RAB28: variants seen among roughly 807,000 people sequenced by gnomAD.
The protein encoded by RAB28 is RAB28, member RAS oncogene family, also known as ras-related protein Rab-28.
In RAB28, 24 loss-of-function variants were observed where a neutral mutation model predicts 31.7. The observed-to-expected ratio is 0.76, with a 90% CI of 0.55 to 1.06. The LOEUF (loss-of-function observed/expected upper bound fraction) is 1.06, where lower values mean the gene tolerates loss of function less well. Among genes scored for constraint, RAB28 ranks in the 50% least tolerant of loss-of-function variants. The pLI, the probability that RAB28 is intolerant of heterozygous loss-of-function variation, is 0.00. For missense variants in RAB28, 254 were observed against 258.5 expected, an observed-to-expected ratio of 0.98 and a Z score of 0.12; for synonymous variants, 100 against 90.4, an observed-to-expected ratio of 1.11 and a Z score of -0.60.
intron 4 of RAB28, among the ~76,000 whole-genome samples, chr4:13,419,646 TGA>T (rs1315095694): frequency 1.3e-5 from 2 of 152,188 alleles, no homozygotes; most frequent in African/African-American, 4.8e-5. Flanking sequence ...TGCTCCTGAA[TGA>T]CTACTGGGTA....
intron 6 of RAB28, among the ~76,000 whole-genome samples, chr4:13,372,793 A>C (rs992568879): frequency 6.6e-6 from 1 of 152,072 alleles, no homozygotes; most frequent in Non-Finnish European, 1.5e-5. Flanking sequence ...CTTAATACCA[A>C]AGGTTAAATG....
intron 4 of RAB28, among the ~76,000 whole-genome samples, chr4:13,400,400 A>T (rs1004628520): frequency 1.3e-4 from 20 of 152,182 alleles, no homozygotes; most frequent in African/African-American, 4.8e-4. Flanking sequence ...TGCTGAAGGG[A>T]TAAATCAATC....
intron 5 of RAB28, among the ~76,000 whole-genome samples, chr4:13,378,483 C>T (rs1278791036): frequency 6.6e-6 from 1 of 152,002 alleles, no homozygotes; most frequent in South Asian, 2.1e-4. Context: ...TTTAAAACAT[C>T]CACTGGAAAG....
In RAB28 at chr4:13,368,017, T is replaced by A; in HGVS notation, c.*541A>T. 3.1e-6 allele frequency: 3 copies of A among 971,532 alleles called. No homozygotes were observed. The highest frequency in any genetic ancestry group is 3.7e-6 in the Non-Finnish European group (3 of 817,348). The allele number at this position is 971,532 out of a possible 1,614,324, so 60.2% of individuals were successfully genotyped here. Reference sequence around the variant, plus strand: ...TTTTTAAAAAATGAAAAAATATTTCTATTACAGGCTTATTTCAAGCATTTT... The same window carrying A: ...TTTTTAAAAAATGAAAAAATATTTCAATTACAGGCTTATTTCAAGCATTTT... On this transcript the variant is annotated 3_prime_UTR_variant, in exon 7 of 7. Coordinates refer to ENST00000330852, the MANE Select transcript of RAB28 (RefSeq NM_001017979.3).
intron 4 of RAB28, among the ~76,000 whole-genome samples, chr4:13,453,500 G>A (rs537096835): frequency 9.4e-4 from 143 of 152,190 alleles, no homozygotes; most frequent in South Asian, 1.7e-3. Context: ...ACTTCCAGAT[G>A]TAAGAGTACC....
At position 13,368,360 on chromosome 4, in the gene RAB28, T is replaced by C; in HGVS notation, c.*198A>G. On this transcript the variant is annotated 3_prime_UTR_variant, in exon 7 of 7. Coordinates refer to ENST00000330852, the MANE Select transcript of RAB28 (RefSeq NM_001017979.3). Reference sequence around the variant, plus strand: ...GGTTTTCCATTTTGAATTCAAAGTGTGTGGTCCCAAAGTTGAATTCTTTCA... The same window carrying C: ...GGTTTTCCATTTTGAATTCAAAGTGCGTGGTCCCAAAGTTGAATTCTTTCA... 8.2e-7 allele frequency: 1 copy of C among 1,222,488 alleles called. No individual in the cohort carries two copies. The highest frequency in any genetic ancestry group is 1.0e-6 in the Non-Finnish European group (1 of 981,072). The allele number at this position is 1,222,488 out of a possible 1,614,324, so 75.7% of individuals were successfully genotyped here.
At chr4:13,483,625 C>G (rs1314510599) in intron 1 of RAB28, among the ~76,000 whole-genome samples, 1 of 152,212 alleles carries the variant, frequency 6.6e-6, no homozygotes, top group African/African-American at 2.4e-5. Context: ...GACTAAGTGG[C>G]AGAGCCCCAA....
intron 4 of RAB28, among the ~76,000 whole-genome samples, chr4:13,405,587 C>G (rs1166944308): frequency 1.3e-5 from 2 of 152,012 alleles, no homozygotes; most frequent in Non-Finnish European, 2.9e-5. Flanking sequence ...CAATATTTGT[C>G]AGAAATACAA....
intron 4 of RAB28, among the ~76,000 whole-genome samples, chr4:13,411,012 G>A (rs1004984769): frequency 1.3e-5 from 2 of 151,846 alleles, no homozygotes; most frequent in South Asian, 2.1e-4. Context: ...GATACCACAG[G>A]CATTAATTTA....
chr4:13,449,368 C>A (rs1421538124), intron 4 of RAB28, among the ~76,000 whole-genome samples: 1 of 151,896 alleles, frequency 6.6e-6, no homozygotes, highest in East Asian at 1.9e-4. Context: ...ATAACCATTT[C>A]TTATACCTCC....
At chr4:13,423,233 T>A (rs1254195373) in intron 4 of RAB28, among the ~76,000 whole-genome samples, 1 of 152,124 alleles carries the variant, frequency 6.6e-6, no homozygotes, top group African/African-American at 2.4e-5. Flanking sequence ...AGAACAGTTG[T>A]AACCTTTAAA....
intron 6 of RAB28, chr4:13,371,817 C>T (rs1728724010): frequency 1.3e-6 from 2 of 1,547,660 alleles, no homozygotes; most frequent in African/African-American, 1.4e-5. Context: ...AGCCACAAAG[C>T]ACACTCGATT....
At chr4:13,468,079 T>C (rs979514379) in intron 3 of RAB28, among the ~76,000 whole-genome samples, 1 of 151,958 alleles carries the variant, frequency 6.6e-6, no homozygotes, top group Admixed American at 6.6e-5. Context: ...CCTCTCTATA[T>C]ATGCACCTAA....
intron 4 of RAB28, among the ~76,000 whole-genome samples, chr4:13,414,924 A>G (rs1712657467): frequency 6.6e-6 from 1 of 152,202 alleles, no homozygotes; most frequent in African/African-American, 2.4e-5. Flanking sequence ...TTTGATAAAG[A>G]ATACCAATTA....
intron 4 of RAB28, among the ~76,000 whole-genome samples, chr4:13,438,287 C>T (rs189020983): frequency 2.3e-4 from 35 of 152,192 alleles, no homozygotes; most frequent in Admixed American, 2.2e-3. Flanking sequence ...AGACATAATT[C>T]ACATATCATA....
chr4:13,453,540 G>T (rs73231512), intron 4 of RAB28, among the ~76,000 whole-genome samples: 2,136 of 152,146 alleles, frequency 0.014, 24 homozygotes, highest in Middle Eastern at 0.044. Flanking sequence ...CCAGTCTGGT[G>T]ACAATGAATT....
intron 4 of RAB28, among the ~76,000 whole-genome samples, chr4:13,418,444 A>C (rs934922418): frequency 4.6e-5 from 7 of 152,172 alleles, no homozygotes; most frequent in Admixed American, 3.9e-4. Flanking sequence ...CCCAAGACAC[A>C]TAATTGTCAG....
intron 4 of RAB28, among the ~76,000 whole-genome samples, chr4:13,432,451 T>C (rs1713864266): frequency 6.6e-6 from 1 of 152,106 alleles, no homozygotes; most frequent in Non-Finnish European, 1.5e-5. Flanking sequence ...TCTTGGGAGA[T>C]GCTCTACAAG....
At chr4:13,389,428 T>G (rs1001487456) in intron 4 of RAB28, among the ~76,000 whole-genome samples, 4 of 152,254 alleles carry the variant, frequency 2.6e-5, no homozygotes, top group Admixed American at 2.6e-4. Flanking sequence ...ACACTTGAAA[T>G]GGTTAAGATG....
Sources: allele counts gnomAD v4.1 joint callset (sites outside exome capture counted in the v4.1 genomes callset), GRCh38; gene constraint gnomAD v4.1.1; transcripts MANE v1.5; gene names NCBI Gene and HGNC (gene_info 2026-07-23, HGNC 2026-07-21).